ZBTB40: variants seen among roughly 807,000 people sequenced by gnomAD.
ZBTB40 encodes zinc finger and BTB domain containing 40.
ZBTB40 carries 60 observed loss-of-function variants against 117.5 expected under a neutral mutation model. The observed-to-expected ratio is 0.51, with a 90% CI of 0.41 to 0.63. The LOEUF is 0.63. Ranked by LOEUF, ZBTB40 falls within the 30% of genes least tolerant of loss-of-function variation. The pLI, the probability that ZBTB40 is intolerant of heterozygous loss-of-function variation, is 0.00. For synonymous variants in ZBTB40, 525 were observed against 577.1 expected (o/e 0.91, Z 1.29); for missense variants, 1,287 against 1,498.5 (o/e 0.86, Z 2.33).
intron 1 of ZBTB40, among the ~76,000 whole-genome samples, chr1:22,474,866 C>G (rs1057453006): frequency 6.6e-5 from 10 of 151,454 alleles, no homozygotes; most frequent in African/African-American, 2.2e-4. Context: ...TTTCAGCTTT[C>G]TGGTTCCAGC....
At chr1:22,518,166 C>T (rs532532144) in intron 13 of ZBTB40, among the ~76,000 whole-genome samples, 189 of 152,322 alleles carry the variant, frequency 1.2e-3, no homozygotes, top group African/African-American at 4.5e-3. Context: ...TCTCTTGTTG[C>T]AGCAGGAGTG....
At position 22,526,602 on chromosome 1, in the gene ZBTB40, ATCC is replaced by A; in HGVS notation, c.*209_*211del. 4.8e-6 allele frequency: 3 copies of A among 626,536 alleles called. No individual in the cohort carries two copies. The highest frequency in any genetic ancestry group is 8.5e-6 in the Non-Finnish European group (3 of 353,710). 38.8% of individuals were successfully genotyped at this position (626,536 alleles called of 1,614,324 possible). A position where few individuals can be genotyped will look rare whatever the true frequency, so the allele number is the denominator to read the frequency against. ...CTGAGCCCTCAACACCAACAGCACC[ATCC>A]TCTGTAGCAGACAGGCCTCCCTCCC... On this transcript the variant is annotated 3_prime_UTR_variant, in exon 18 of 18. Coordinates refer to ENST00000375647, the MANE Select transcript of ZBTB40 (RefSeq NM_014870.4).
At chr1:22,509,333 T>C in intron 9 of ZBTB40, 100 bp downstream of exon 9, 1 of 1,543,956 alleles carries the variant, frequency 6.5e-7, no homozygotes, top group South Asian at 1.1e-5. Flanking sequence ...GTTGGGTTGT[T>C]TTTCCTTCTT....
At chr1:22,433,092 C>G (rs543159493) in intron 1 of ZBTB40, among the ~76,000 whole-genome samples, 1 of 151,940 alleles carries the variant, frequency 6.6e-6, no homozygotes, top group Non-Finnish European at 1.5e-5. Flanking sequence ...AACACCAGAT[C>G]GAAAATGTTT....
At chr1:22,521,259 A>C (rs891123734) in intron 14 of ZBTB40, among the ~76,000 whole-genome samples, 4 of 152,198 alleles carry the variant, frequency 2.6e-5, no homozygotes, top group African/African-American at 4.8e-5. Context: ...AGGAATGGGC[A>C]TGTGAAGGAC....
chr1:22,468,825 C>T (rs1641330535), intron 1 of ZBTB40, among the ~76,000 whole-genome samples: 1 of 149,432 alleles, frequency 6.7e-6, no homozygotes. Flanking sequence ...TATAATCTTT[C>T]TTTTTTGGTT....
rs767913519 is a variant in ZBTB40, at chr1:22,433,432, C to CAAAAAAAAAAAA, written c.-70+4432_-70+4443dup. ...TGGGCGACAGAGCAAGACGCCCTCTCAAAAAAAAAAAAAAAAAAAAAAAAA... is the reference window on the plus strand; with the variant it reads ...TGGGCGACAGAGCAAGACGCCCTCTCAAAAAAAAAAAAAAAAAAAAAAAAAAAAAAAAAAAAA... On this transcript the variant is annotated intron_variant, in intron 1 of 8. Coordinates refer to the ZBTB40 transcript ENST00000650433. Among the ~76,000 whole-genome samples the CAAAAAAAAAAAA allele has an allele frequency of 2.1e-3, 18 of 8,764 alleles. 5 individuals are homozygous for CAAAAAAAAAAAA. In the East Asian group the frequency reaches 0.029, roughly 14 times the overall value. 5.7% of individuals were successfully genotyped at this position (8,764 alleles called of 152,430 possible). A position where few individuals can be genotyped will look rare whatever the true frequency, so the allele number is the denominator to read the frequency against.
At position 22,480,941 on chromosome 1, in the gene ZBTB40, CAG is replaced by C. The variant is rs1227279481; in HGVS notation, c.-69-8938_-69-8937del. Among the ~76,000 whole-genome samples, 8 of 152,266 alleles carry C rather than the reference CAG, an allele frequency of 5.3e-5. No homozygotes were observed. In the East Asian group the frequency reaches 1.5e-3, roughly 29 times the overall value. On this transcript the variant is annotated intron_variant, in intron 1 of 17. Transcript: ENST00000375647. ...GGCTCTGGGCTTTATGCAAGGGTCT[CAG>C]TGCTAACTCCCCACCTTCTACCTGC...
upstream of ZBTB40, among the ~76,000 whole-genome samples, chr1:22,449,875 A>G (rs952200959): frequency 6.6e-6 from 1 of 152,186 alleles, no homozygotes; most frequent in Non-Finnish European, 1.5e-5. Context: ...GCTTCAAGCC[A>G]TCTGCATTCA....
At chr1:22,519,832 G>A in intron 13 of ZBTB40, 2 of 602,196 alleles carry the variant, frequency 3.3e-6, no homozygotes, top group Non-Finnish European at 6.0e-6. Context: ...TGCAGAGACA[G>A]TTAGTCTTGA....
At position 22,507,988 on chromosome 1, in the gene ZBTB40, A is replaced by G. The variant is rs1639119231; in HGVS notation, c.1361-13A>G. ...TTGCATCAAACATTATTGTTTTGCT[A>G]ATATCCTTACAGTCCAACCAAGCCC... is the stretch of plus-strand genomic sequence containing the variant. On this transcript the variant is annotated splice_polypyrimidine_tract_variant and intron_variant, in intron 6 of 17. Coordinates refer to ENST00000375647, the MANE Select transcript of ZBTB40 (RefSeq NM_014870.4). 1.2e-6 allele frequency: 2 copies of G among 1,614,006 alleles called. No individual in the cohort carries two copies. Among genetic ancestry groups the G allele is most frequent in the African/African-American group, 2.7e-5 (2 of 74,922 alleles).
At chr1:22,517,722 C>T in intron 13 of ZBTB40, 1 of 454,916 alleles carries the variant, frequency 2.2e-6, no homozygotes, top group East Asian at 3.6e-5. Context: ...CACCATTTGT[C>T]CAACAGAGGC....
At chr1:22,483,054 G>A (rs1032863623) in intron 1 of ZBTB40, among the ~76,000 whole-genome samples, 18 of 151,086 alleles carry the variant, frequency 1.2e-4, no homozygotes, top group Admixed American at 2.6e-4. Context: ...ACTCCAGCCC[G>A]GGCGACAGAG....
At chr1:22,432,021 G>A (rs1246884772) in intron 1 of ZBTB40, among the ~76,000 whole-genome samples, 2 of 151,966 alleles carry the variant, frequency 1.3e-5, no homozygotes, top group African/African-American at 4.8e-5. Flanking sequence ...ATTTATTCTT[G>A]CATAGTTCTG....
At chr1:22,507,866 C>A in intron 6 of ZBTB40, 135 bp from the exon 7 acceptor site, 1 of 1,336,300 alleles carries the variant, frequency 7.5e-7, no homozygotes, top group East Asian at 2.4e-5. Context: ...GTATGAGGCC[C>A]CAAGCCAGGG....
At position 22,513,151 on chromosome 1, in the gene ZBTB40, T is replaced by G. The variant is rs1167312439; in HGVS notation, c.2668+21T>G. ...AGAAGGTAAGGCGGGGCACAGTTCA[T>G]TTCTCCTGCAGACTTTCACTGCGAA... On this transcript the variant is annotated intron_variant, in intron 12 of 17. Coordinates refer to ENST00000375647, the MANE Select transcript of ZBTB40 (RefSeq NM_014870.4). The surrounding 1 kb of genome is among the most constrained non-coding windows in gnomAD (Gnocchi z 4.9). 3 of 1,610,746 alleles carry G rather than the reference T, an allele frequency of 1.9e-6. No individual in the cohort carries two copies. The highest frequency in any genetic ancestry group is 1.7e-6 in the Non-Finnish European group (2 of 1,178,428).
chr1:22,431,318 T>TCAATATATACAATATTGTA (rs1185471061), intron 1 of ZBTB40, among the ~76,000 whole-genome samples: 1 of 84,576 alleles, frequency 1.2e-5, no homozygotes, highest in Non-Finnish European at 2.0e-5. Context: ...CAGTATATAT[T>TCAATATATACAATATTGTA]TATATTGTAT....
Position 22,512,124 on chromosome 1 carries a change from C to G in ZBTB40, c.2451C>G (p.Ala817=). ...GTGACCTCTGTGGCAGAGAATTTGCCCATGCCTCAGGTACGTTCAAGAAGG... is the reference window on the plus strand; with the variant it reads ...GTGACCTCTGTGGCAGAGAATTTGCGCATGCCTCAGGTACGTTCAAGAAGG... ...VTCDLCGREF[A]HASGMQYHKL... is the part of the protein sequence containing the mutation. Residue 817 remains alanine (A), a synonymous_variant, in exon 11 of 18, where the codon GCC becomes GCG. Coordinates refer to ENST00000375647, the MANE Select transcript of ZBTB40 (RefSeq NM_014870.4). 6.2e-7 allele frequency: 1 copy of G among 1,612,946 alleles called. No individual in the cohort carries two copies. Among genetic ancestry groups the G allele is most frequent in the Non-Finnish European group, 8.5e-7 (1 of 1,180,010 alleles).
chr1:22,514,471 A>T (rs1263834635), intron 12 of ZBTB40, among the ~76,000 whole-genome samples: 1 of 152,072 alleles, frequency 6.6e-6, no homozygotes, highest in East Asian at 1.9e-4. Context: ...TTAGGCCTGC[A>T]CATTTTAGCT....
Sources: allele counts gnomAD v4.1 joint callset (sites outside exome capture counted in the v4.1 genomes callset), GRCh38; gene constraint gnomAD v4.1.1; non-coding constraint Gnocchi (gnomAD v3.1); transcripts MANE v1.5; gene names NCBI Gene and HGNC (gene_info 2026-07-23, HGNC 2026-07-21).